TMC3: variants seen among roughly 807,000 people sequenced by gnomAD.
TMC3 encodes the protein transmembrane channel-like protein 3.
A neutral mutation model predicts 110.6 loss-of-function variants in TMC3; 98 were observed. That is an observed-to-expected ratio of 0.89 (90% CI 0.75 to 1.05). The LOEUF (loss-of-function observed/expected upper bound fraction) is 1.05, where lower values mean the gene tolerates loss of function less well. Ranked by LOEUF, TMC3 falls within the 50% of genes least tolerant of loss-of-function variation. TMC3 has a pLI of 0.00. For missense variants in TMC3, 1,319 were observed against 1,373.2 expected, an observed-to-expected ratio of 0.96 and a Z score of 0.62; for synonymous variants, 489 against 513.1, an observed-to-expected ratio of 0.95 and a Z score of 0.63.
In TMC3 at chr15:81,343,337, A is replaced by T. The variant is rs776582527; in HGVS notation, c.1656T>A (p.Tyr552Ter). The T allele has an allele frequency of 6.2e-7, 1 of 1,606,630 alleles. No homozygotes were observed. The highest frequency in any genetic ancestry group is 8.5e-7 in the Non-Finnish European group (1 of 1,173,192). ...CATTCTCAGCTATTTTGAATTCTCC[A>T]TATTCAGGCTACAAGAGAAAATAAA... ...CWDLESKFPEYGEFKIAENVL... is the reference protein window; with the variant it reads ...CWDLESKFPE The change falls in exon 15 of 22, where the codon TAT (tyrosine) becomes TAA (stop). Residue 552 changes from tyrosine to a stop codon, truncating the protein, a stop_gained. Coordinates refer to ENST00000359440, the MANE Select transcript of TMC3 (RefSeq NM_001080532.3). LOFTEE classifies it high-confidence loss of function.
chr15:81,354,198 G>A (rs1210651768), intron 9 of TMC3, among the ~76,000 whole-genome samples: 1 of 152,224 alleles, frequency 6.6e-6, no homozygotes, highest in Admixed American at 6.5e-5. Context: ...CCTGGCTAAG[G>A]CCTGGAATCC....
Position 81,351,738 on chromosome 15 carries a change from G to C in TMC3, c.1039C>G (p.Leu347Val). The C allele has an allele frequency of 1.3e-6, 2 of 1,578,572 alleles. No homozygotes were observed. The highest frequency in any genetic ancestry group is 1.7e-6 in the Non-Finnish European group (2 of 1,162,354). Residue 347 changes from leucine (L) to valine (V), a missense_variant, in exon 10 of 22, where the codon CTG becomes GTG. Leu to Val is a conservative substitution (Grantham distance 32). Coordinates refer to ENST00000359440, the MANE Select transcript of TMC3 (RefSeq NM_001080532.3). Reference sequence around the variant, plus strand: ...GTCAGCTCCTTCTTCGACTGCTCCAGCTTCTGGGACCGGTCCACCACAAAG... The same window carrying C: ...GTCAGCTCCTTCTTCGACTGCTCCACCTTCTGGGACCGGTCCACCACAAAG... ...IYFVVDRSQK[L>V]EQSKKELTLW...
chr15:81,357,051 G>A (rs536232560), intron 7 of TMC3, among the ~76,000 whole-genome samples: 1 of 152,262 alleles, frequency 6.6e-6, no homozygotes, highest in South Asian at 2.1e-4. Flanking sequence ...TTGAAGGCAG[G>A]AGTCATCAAC....
At position 81,331,854 on chromosome 15, in the gene TMC3, G is replaced by T. The variant is rs533382841; in HGVS notation, c.*565C>A. The T allele has an allele frequency of 5.3e-5, 8 of 150,210 alleles. No individual in the cohort carries two copies. The highest frequency in any genetic ancestry group is 2.0e-4 in the African/African-American group (8 of 39,300). 9.3% of individuals were successfully genotyped at this position (150,210 alleles called of 1,614,324 possible). On this transcript the variant is annotated 3_prime_UTR_variant, in exon 22 of 22. Coordinates refer to ENST00000359440, the MANE Select transcript of TMC3 (RefSeq NM_001080532.3). ...CACTGCGCATGCTCCCCTCCCCAGC[G>T]CTAGCAGGCCACTACTGCGCATGCG... is the stretch of plus-strand genomic sequence containing the variant.
intron 2 of TMC3, among the ~76,000 whole-genome samples, chr15:81,372,368 AC>A (rs1894454746): frequency 8.0e-6 from 1 of 125,640 alleles, no homozygotes; most frequent in Non-Finnish European, 1.6e-5. Context: ...ACACACACAC[AC>A]ACACACACAC....
chr15:81,342,344 A>G (rs1236237838), intron 15 of TMC3, among the ~76,000 whole-genome samples: 3 of 152,232 alleles, frequency 2.0e-5, no homozygotes, highest in Admixed American at 2.0e-4. Flanking sequence ...TTCAGTTATC[A>G]TTATCTGTTG....
chr15:81,364,560 A>T (rs949759745), intron 3 of TMC3, among the ~76,000 whole-genome samples: 2 of 149,538 alleles, frequency 1.3e-5, no homozygotes, highest in Non-Finnish European at 3.0e-5. Flanking sequence ...GAGGGATAGC[A>T]TTGGGAGATA....
intron 2 of TMC3, 36 bp downstream of exon 2, chr15:81,372,555 C>T (rs1156748944): frequency 6.2e-7 from 1 of 1,611,954 alleles, no homozygotes; most frequent in Admixed American, 1.7e-5. Context: ...GGAAAGCATG[C>T]TTGTAATGAT....
intron 13 of TMC3, 101 bp from the exon 14 acceptor site, chr15:81,344,146 A>C (rs1893775490): frequency 7.7e-7 from 1 of 1,301,314 alleles, no homozygotes; most frequent in African/African-American, 1.5e-5. Flanking sequence ...TGTGGGCCCC[A>C]GCCAGTGGGC....
At chr15:81,356,717 G>C in intron 7 of TMC3, 123 bp from the exon 8 acceptor site, 2 of 1,078,534 alleles carry the variant, frequency 1.9e-6, no homozygotes, top group Non-Finnish European at 2.6e-6. Context: ...GCAGCTCCTC[G>C]GGTCACAGCT....
chr15:81,356,043 T>C (rs796288582), intron 8 of TMC3, among the ~76,000 whole-genome samples: 1 of 152,330 alleles, frequency 6.6e-6, no homozygotes, highest in African/African-American at 2.4e-5. Context: ...GCTGTCTGTA[T>C]AGTTCAATAG....
At chr15:81,335,618 T>C (rs1029000676) in intron 20 of TMC3, 6 of 152,640 alleles carry the variant, frequency 3.9e-5, no homozygotes, top group Non-Finnish European at 7.3e-5. Flanking sequence ...CAGACATTTT[T>C]CTGGAGAGGA....
rs1210399970 is a variant in TMC3 at position 81,333,077 on chromosome 15, G to A, written c.2645C>T (p.Pro882Leu). The A allele has an allele frequency of 6.2e-7, 1 of 1,613,826 alleles. No homozygotes were observed. The highest frequency in any genetic ancestry group is 1.7e-5 in the Admixed American group (1 of 60,018). Residue 882 changes from proline (P) to leucine (L), a missense_variant, in exon 22 of 22, where the codon CCC becomes CTC. By Grantham distance (98) the Pro-to-Leu change is moderately conservative (BLOSUM62 -3). Coordinates refer to ENST00000359440, the MANE Select transcript of TMC3 (RefSeq NM_001080532.3). ...ASTLLAQGPR[P>L]HAPRYYVINE... The stretch of plus-strand genomic sequence containing the variant: ...AATGACATAGTATCTGGGGGCGTGG[G>A]GCCTGGGACCCTGTGCCAGCAAAGT...
Position 81,358,433 on chromosome 15 carries a change from G to A in TMC3, c.569C>T (p.Ala190Val). The A allele has an allele frequency of 1.2e-6, 2 of 1,613,914 alleles. No individual in the cohort carries two copies. Among genetic ancestry groups the A allele is most frequent in the East Asian group, 2.2e-5 (1 of 44,882 alleles). ...AGACCAGACGGTGTCCAGGTCTTGG[G>A]CAGACGAAACCTGCTCCTTGGGGAT... is the stretch of plus-strand genomic sequence containing the variant. Reference protein sequence around the residue: ...KTIPKEQVSSAQDLDTVWSLG... With the variant: ...KTIPKEQVSSVQDLDTVWSLG... Residue 190 changes from alanine to valine, a missense_variant, in exon 6 of 22, where the codon GCC becomes GTC. Coordinates refer to ENST00000359440, the MANE Select transcript of TMC3 (RefSeq NM_001080532.3).
At chr15:81,363,505 CATGTATGGTA>C (rs1894237911) in intron 3 of TMC3, among the ~76,000 whole-genome samples, 1 of 152,156 alleles carries the variant, frequency 6.6e-6, no homozygotes, top group Non-Finnish European at 1.5e-5. Flanking sequence ...CCGGTACAGA[CATGTATGGTA>C]ATGTCATTCT....
chr15:81,334,761 GA>G lies in TMC3; in HGVS notation c.2417del (p.Leu806ProfsTer9). ...RPGDRAPSSP[L>X]PGVPKSRLEH... ...CTAGCCTGGATTTGGGGACCCCAGG[GA>G]GAGGTGAGCTAGGAGCCCTGTCCCC... is the stretch of plus-strand genomic sequence containing the variant. On this transcript the variant is annotated frameshift_variant, in exon 21 of 22. Transcript: ENST00000359440. LOFTEE classifies it low-confidence loss of function (END_TRUNC). 1 of 1,614,014 alleles carries G rather than the reference GA, an allele frequency of 6.2e-7. No individual in the cohort carries two copies. The highest frequency in any genetic ancestry group is 1.1e-5 in the South Asian group (1 of 91,086).
intron 11 of TMC3, among the ~76,000 whole-genome samples, chr15:81,347,286 G>A (rs1158041657): frequency 6.6e-6 from 1 of 152,218 alleles, no homozygotes; most frequent in African/African-American, 2.4e-5. Flanking sequence ...TGAGAAAGTT[G>A]ATGGGAAAGC....
chr15:81,359,715 C>G (rs1224480445), intron 4 of TMC3, among the ~76,000 whole-genome samples: 2 of 152,206 alleles, frequency 1.3e-5, no homozygotes, highest in East Asian at 3.8e-4. Context: ...TTGATAGTCA[C>G]TTCCCTAATG....
intron 9 of TMC3, among the ~76,000 whole-genome samples, chr15:81,354,017 T>A (rs1596088326): frequency 6.6e-6 from 1 of 152,212 alleles, no homozygotes; most frequent in Admixed American, 6.5e-5. Context: ...ATGCCTCTGA[T>A]AGTGAGGGCA....
Sources: allele counts gnomAD v4.1 joint callset (sites outside exome capture counted in the v4.1 genomes callset), GRCh38; gene constraint gnomAD v4.1.1; transcripts MANE v1.5; gene names NCBI Gene and HGNC (gene_info 2026-07-23, HGNC 2026-07-21).